NALF1: variants seen among roughly 807,000 people sequenced by gnomAD.
NALF1 encodes NALCN channel auxiliary factor 1.
A neutral mutation model predicts 48.4 loss-of-function variants in NALF1; 3 were observed. The observed-to-expected ratio is 0.06, with a 90% CI of 0.03 to 0.16. The LOEUF is 0.16. Among genes scored for constraint, NALF1 ranks in the 10% least tolerant of loss-of-function variants. The probability of loss-of-function intolerance (pLI) is 1.00; values close to 1 mark genes in which losing one functional copy is unlikely to be tolerated. For missense variants in NALF1, 526 were observed against 571.5 expected (o/e 0.92, Z 0.81); for synonymous variants, 262 against 245.7 (o/e 1.07, Z -0.62).
intron 1 of NALF1, among the ~76,000 whole-genome samples, chr13:107,630,581 A>T (rs968061844): frequency 6.6e-6 from 1 of 152,124 alleles, no homozygotes; most frequent in Non-Finnish European, 1.5e-5. Context: ...CCATATGGTA[A>T]GCTCTCAACA....
At chr13:107,191,679 T>TG (rs1347201215) in intron 2 of NALF1, among the ~76,000 whole-genome samples, 1 of 151,628 alleles carries the variant, frequency 6.6e-6, no homozygotes, top group Non-Finnish European at 1.5e-5. Context: ...AATTTTTTTT[T>TG]TTTTTTGAGA....
At chr13:107,848,477 G>A (rs1880228308) in intron 1 of NALF1, among the ~76,000 whole-genome samples, 1 of 152,264 alleles carries the variant, frequency 6.6e-6, no homozygotes, top group East Asian at 1.9e-4. Context: ...CCCAAATAAT[G>A]CAGCCTTAAA....
chr13:107,549,994 A>C (rs1024746777), intron 1 of NALF1, among the ~76,000 whole-genome samples: 1 of 152,122 alleles, frequency 6.6e-6, no homozygotes, highest in Non-Finnish European at 1.5e-5. Context: ...TAGACCATTA[A>C]ATTTTTAGAA....
intron 1 of NALF1, among the ~76,000 whole-genome samples, chr13:107,492,118 T>C (rs2139070365): frequency 7.0e-6 from 1 of 142,258 alleles, no homozygotes; most frequent in Non-Finnish European, 1.5e-5. Context: ...TGGCACAATC[T>C]CGGCTCACTG....
intron 1 of NALF1, among the ~76,000 whole-genome samples, chr13:107,425,065 T>C (rs961873176): frequency 1.3e-5 from 2 of 152,210 alleles, no homozygotes; most frequent in Non-Finnish European, 2.9e-5. Context: ...CTCTAGCAAA[T>C]GAAAGTCGTA....
chr13:107,309,940 C>T (rs1360213846), intron 1 of NALF1, among the ~76,000 whole-genome samples: 2 of 152,066 alleles, frequency 1.3e-5, no homozygotes, highest in African/African-American at 4.8e-5. Context: ...TCCTTTATAG[C>T]TATTTTATGT....
intron 1 of NALF1, among the ~76,000 whole-genome samples, chr13:107,734,932 C>T (rs901152532): frequency 6.6e-6 from 1 of 152,142 alleles, no homozygotes; most frequent in African/African-American, 2.4e-5. Context: ...GAATCCCCTT[C>T]TACAAGTGGA....
intron 1 of NALF1, among the ~76,000 whole-genome samples, chr13:107,815,772 T>C (rs1159544634): frequency 4.6e-5 from 7 of 152,152 alleles, no homozygotes; most frequent in Non-Finnish European, 8.8e-5. Context: ...AAAAAATATG[T>C]GGCATAGTCA....
intron 1 of NALF1, among the ~76,000 whole-genome samples, chr13:107,529,969 C>G (rs1312081455): frequency 2.0e-5 from 3 of 152,050 alleles, no homozygotes; most frequent in Non-Finnish European, 4.4e-5. Context: ...CTATTCTCAG[C>G]TTTCAAGAGG....
chr13:107,784,020 C>G (rs1342060191), intron 1 of NALF1, among the ~76,000 whole-genome samples: 2 of 152,134 alleles, frequency 1.3e-5, no homozygotes, highest in African/African-American at 4.8e-5. Flanking sequence ...CCGCTCCCCT[C>G]AGTGAGTGAC....
At chr13:107,836,457 T>C (rs2138631603) in intron 1 of NALF1, among the ~76,000 whole-genome samples, 1 of 152,298 alleles carries the variant, frequency 6.6e-6, no homozygotes. Context: ...CTGTAGGTAT[T>C]ATTTTGCTAA....
chr13:107,696,069 G>C (rs1881694811), intron 1 of NALF1, among the ~76,000 whole-genome samples: 2 of 152,036 alleles, frequency 1.3e-5, no homozygotes, highest in Non-Finnish European at 2.9e-5. Context: ...GCTAATTTTT[G>C]TATTTTTAGT....
At position 107,447,184 on chromosome 13, in the gene NALF1, G is replaced by A. The variant is rs187814538; in HGVS notation, c.916-236429C>T. The stretch of plus-strand genomic sequence containing the variant: ...TCCTCTTCTCCTTGGCCTCCTCCTC[G>A]TCCTCCTTCTCTCCTTCTCCTTCTT... On this transcript the variant is annotated intron_variant, in intron 1 of 2. Transcript: ENST00000375915. 4.3e-3 allele frequency among the ~76,000 whole-genome samples: 647 copies of A among 151,900 alleles called. 2 individuals are homozygous for A. Among genetic ancestry groups the A allele is most frequent in the Non-Finnish European group, 5.9e-3 (401 of 67,950 alleles).
chr13:107,393,688 C>T (rs988018352), intron 1 of NALF1, among the ~76,000 whole-genome samples: 3 of 151,968 alleles, frequency 2.0e-5, no homozygotes, highest in Non-Finnish European at 2.9e-5. Context: ...TGTTTATGTC[C>T]GCCAGCCATC....
intron 1 of NALF1, among the ~76,000 whole-genome samples, chr13:107,380,986 A>T (rs1328883600): frequency 6.6e-6 from 1 of 150,776 alleles, no homozygotes; most frequent in African/African-American, 2.4e-5. Flanking sequence ...TCAAAAAAAA[A>T]AAAAAAAAAG....
intron 1 of NALF1, among the ~76,000 whole-genome samples, chr13:107,840,253 T>A (rs1302833581): frequency 1.3e-5 from 2 of 152,196 alleles, no homozygotes; most frequent in African/African-American, 4.8e-5. Flanking sequence ...AGGATTGTGA[T>A]CTATTTGAAG....
chr13:107,294,994 T>TC (rs71121520), intron 1 of NALF1, among the ~76,000 whole-genome samples: 2 of 151,968 alleles, frequency 1.3e-5, no homozygotes, highest in African/African-American at 4.8e-5. Context: ...TCTTTTTTTT[T>TC]CTTTTGACTT....
intron 1 of NALF1, among the ~76,000 whole-genome samples, chr13:107,652,812 T>C (rs540863598): frequency 1.3e-5 from 2 of 152,158 alleles, no homozygotes; most frequent in African/African-American, 2.4e-5. Flanking sequence ...CTAATCATCC[T>C]TATGTTATCA....
At chr13:107,783,062 G>T (rs1254443640) in intron 1 of NALF1, among the ~76,000 whole-genome samples, 2 of 144,196 alleles carry the variant, frequency 1.4e-5, no homozygotes, top group African/African-American at 2.7e-5. Context: ...CGGGAGGGAG[G>T]TGGGGGGGTC....
Sources: allele counts gnomAD v4.1 joint callset (sites outside exome capture counted in the v4.1 genomes callset), GRCh38; gene constraint gnomAD v4.1.1; transcripts MANE v1.5; gene names NCBI Gene and HGNC (gene_info 2026-07-23, HGNC 2026-07-21).